EPHA6: variants seen among roughly 807,000 people sequenced by gnomAD.
EPHA6 encodes ephrin type-A receptor 6.
In EPHA6, 50 loss-of-function variants were observed where a neutral mutation model predicts 112.0. The observed-to-expected ratio is 0.45, with a 90% CI of 0.36 to 0.56. The LOEUF (loss-of-function observed/expected upper bound fraction) is 0.56, where lower values mean the gene tolerates loss of function less well. Ranked by LOEUF, EPHA6 falls within the 20% of genes least tolerant of loss-of-function variation. EPHA6 has a pLI of 0.00. For synonymous variants in EPHA6, 529 were observed against 490.7 expected (o/e 1.08, Z -1.03); for missense variants, 1,280 against 1,417.4 (o/e 0.90, Z 1.56).
chr3:97,055,596 A>G (rs1328264529), intron 3 of EPHA6, among the ~76,000 whole-genome samples: 2 of 152,168 alleles, frequency 1.3e-5, no homozygotes, highest in Non-Finnish European at 2.9e-5. Flanking sequence ...ACATTAAGAA[A>G]ACAGAATGCT....
intron 3 of EPHA6, among the ~76,000 whole-genome samples, chr3:97,159,783 T>C (rs948591890): frequency 1.3e-5 from 2 of 152,176 alleles, no homozygotes; most frequent in African/African-American, 4.8e-5. Context: ...TCAGAAGCAA[T>C]GCTGTGTAGA....
intron 5 of EPHA6, among the ~76,000 whole-genome samples, chr3:97,354,988 C>T (rs548982863): frequency 4.6e-5 from 7 of 152,074 alleles, no homozygotes; most frequent in African/African-American, 1.7e-4. Flanking sequence ...ACAAACAACC[C>T]TTTATCCTGG....
chr3:97,197,438 T>C (rs1446174565), intron 3 of EPHA6, among the ~76,000 whole-genome samples: 1 of 151,892 alleles, frequency 6.6e-6, no homozygotes, highest in Non-Finnish European at 1.5e-5. Flanking sequence ...GTGGGTTCTC[T>C]TCTGTCCAAG....
intron 5 of EPHA6, among the ~76,000 whole-genome samples, chr3:97,380,854 A>G (rs955877217): frequency 2.0e-5 from 3 of 152,184 alleles, no homozygotes; most frequent in African/African-American, 7.2e-5. Context: ...TTAAAACAAC[A>G]TCTGCTTCAT....
intron 3 of EPHA6, among the ~76,000 whole-genome samples, chr3:96,997,948 AGTTT>A (rs1171891918): frequency 1.3e-5 from 2 of 152,030 alleles, no homozygotes; most frequent in African/African-American, 2.4e-5. Context: ...TGTACATTAT[AGTTT>A]GTTCTTTGTC....
intron 10 of EPHA6, among the ~76,000 whole-genome samples, chr3:97,508,644 G>C: frequency 6.6e-6 from 1 of 152,166 alleles, no homozygotes; most frequent in East Asian, 1.9e-4. Flanking sequence ...TTGATTTGGG[G>C]TGGAGAGTTC....
intron 6 of EPHA6, among the ~76,000 whole-genome samples, chr3:97,426,402 C>G (rs1049692882): frequency 1.4e-4 from 21 of 152,276 alleles, no homozygotes; most frequent in African/African-American, 4.8e-4. Flanking sequence ...ACCACAAGAA[C>G]AGTATGGGGG....
intron 3 of EPHA6, among the ~76,000 whole-genome samples, chr3:97,029,228 AT>A: frequency 6.6e-6 from 1 of 151,734 alleles, no homozygotes; most frequent in Non-Finnish European, 1.5e-5. Context: ...GGTAAAAATT[AT>A]TTTCTAAATT....
At chr3:97,150,760 T>C (rs1315852293) in intron 3 of EPHA6, among the ~76,000 whole-genome samples, 1 of 152,098 alleles carries the variant, frequency 6.6e-6, no homozygotes, top group Non-Finnish European at 1.5e-5. Context: ...TCACCTCCCT[T>C]TTCCTTATTT....
chr3:97,734,228 A>T (rs2035158787), intron 15 of EPHA6, among the ~76,000 whole-genome samples: 1 of 152,210 alleles, frequency 6.6e-6, no homozygotes, highest in Non-Finnish European at 1.5e-5. Context: ...TTATAATTAG[A>T]TAACTGGAAA....
At chr3:97,520,503 T>C (rs1300998417) in intron 10 of EPHA6, among the ~76,000 whole-genome samples, 1 of 152,210 alleles carries the variant, frequency 6.6e-6, no homozygotes, top group African/African-American at 2.4e-5. Flanking sequence ...TGGCTGCTAG[T>C]TTTATGTTTC....
chr3:96,882,710 C>T (rs1037739508), intron 2 of EPHA6, among the ~76,000 whole-genome samples: 10 of 148,438 alleles, frequency 6.7e-5, no homozygotes, highest in Admixed American at 2.0e-4. Context: ...TTTAAGGATT[C>T]GTAGTATTCC....
At chr3:97,645,216 G>C (rs1299868015) in intron 14 of EPHA6, among the ~76,000 whole-genome samples, 1 of 149,178 alleles carries the variant, frequency 6.7e-6, no homozygotes. Context: ...ACATGCACAC[G>C]TATGTTTATT....
intron 10 of EPHA6, among the ~76,000 whole-genome samples, chr3:97,511,986 G>T (rs187336779): frequency 1.3e-5 from 2 of 151,706 alleles, no homozygotes; most frequent in African/African-American, 4.8e-5. Context: ...GATATACATC[G>T]CAATCTAGGA....
At chr3:97,207,517 G>A (rs2077745902) in intron 3 of EPHA6, among the ~76,000 whole-genome samples, 1 of 152,118 alleles carries the variant, frequency 6.6e-6, no homozygotes, top group Admixed American at 6.5e-5. Flanking sequence ...GTCTGGTCCA[G>A]TAGATTATTT....
chr3:97,372,191 A>G (rs2085095662), intron 5 of EPHA6, among the ~76,000 whole-genome samples: 2 of 152,108 alleles, frequency 1.3e-5, no homozygotes, highest in Non-Finnish European at 2.9e-5. Flanking sequence ...GCATCACAGA[A>G]CCTGCCAACA....
chr3:97,640,706 G>C (rs1323521857), intron 14 of EPHA6, among the ~76,000 whole-genome samples: 2 of 152,134 alleles, frequency 1.3e-5, no homozygotes, highest in African/African-American at 4.8e-5. Context: ...CTTGAACCCA[G>C]GAGGCGGAGG....
rs371015209 is a variant in EPHA6 at position 97,723,758 on chromosome 3, ATAG to A, written c.2934+3352_2934+3354del. Among the ~76,000 whole-genome samples the A allele has an allele frequency of 1.8e-4, 27 of 152,306 alleles. No individual in the cohort carries two copies. In the South Asian group the frequency reaches 2.5e-3, roughly 14 times the overall value. On this transcript the variant is annotated intron_variant, in intron 15 of 17. Coordinates refer to ENST00000389672, the MANE Select transcript of EPHA6 (RefSeq NM_001080448.3). ...CACATCAATTCAAGACTACAGGAAA[ATAG>A]TAGGAGCTAAAATCTTTTATGTATC...
intron 2 of EPHA6, among the ~76,000 whole-genome samples, chr3:96,958,980 C>G (rs1340995142): frequency 6.6e-6 from 1 of 152,064 alleles, no homozygotes; most frequent in Non-Finnish European, 1.5e-5. Flanking sequence ...CATTCATGTA[C>G]AAGTTTTTGT....
Sources: allele counts gnomAD v4.1 joint callset (sites outside exome capture counted in the v4.1 genomes callset), GRCh38; gene constraint gnomAD v4.1.1; transcripts MANE v1.5; gene names NCBI Gene and HGNC (gene_info 2026-07-23, HGNC 2026-07-21).